Variants in MAP1B observed in about 807,000 individuals in gnomAD.
MAP1B encodes the protein microtubule-associated protein 1B.
A neutral mutation model predicts 176.1 loss-of-function variants in MAP1B; 12 were observed. That is an observed-to-expected ratio of 0.07 (90% CI 0.04 to 0.11). The LOEUF (loss-of-function observed/expected upper bound fraction) is 0.11. Ranked by LOEUF, MAP1B falls within the 10% of genes least tolerant of loss-of-function variation. MAP1B has a pLI of 1.00. For synonymous variants in MAP1B, 1,044 were observed against 1,135.0 expected (o/e 0.92, Z 1.61); for missense variants, 2,523 against 2,990.5 (o/e 0.84, Z 3.65).
At chr5:72,121,703 A>C (rs1745532968) in intron 2 of MAP1B, among the ~76,000 whole-genome samples, 1 of 152,258 alleles carries the variant, frequency 6.6e-6, no homozygotes, top group Non-Finnish European at 1.5e-5. Flanking sequence ...AAAAGGTCTA[A>C]GAATATTTTA....
chr5:72,170,251 G>A (rs142294091), intron 2 of MAP1B, among the ~76,000 whole-genome samples: 5 of 152,238 alleles, frequency 3.3e-5, no homozygotes, highest in South Asian at 2.1e-4. Flanking sequence ...CATCCTATCC[G>A]TCAAAGTATG....
intron 2 of MAP1B, among the ~76,000 whole-genome samples, chr5:72,180,553 G>A (rs917140804): frequency 6.6e-6 from 1 of 152,110 alleles, no homozygotes; most frequent in Non-Finnish European, 1.5e-5. Context: ...CCAAAAAGCC[G>A]AAAAGCAATG....
intron 2 of MAP1B, among the ~76,000 whole-genome samples, chr5:72,131,544 G>A (rs189941369): frequency 2.9e-3 from 447 of 152,252 alleles, no homozygotes; most frequent in Non-Finnish European, 4.8e-3. Context: ...TCTGCTCTGA[G>A]TTAAGAATAA....
chr5:72,130,054 T>C (rs1745701184), intron 2 of MAP1B, among the ~76,000 whole-genome samples: 1 of 152,196 alleles, frequency 6.6e-6, no homozygotes, highest in Admixed American at 6.5e-5. Context: ...AGCCAGCAAA[T>C]GGATTTTCTA....
At position 72,197,880 on chromosome 5, in the gene MAP1B, C is replaced by A; in HGVS notation, c.4525C>A (p.Gln1509Lys). 1 of 1,614,130 alleles carries A rather than the reference C, an allele frequency of 6.2e-7. No individual in the cohort carries two copies. The highest frequency in any genetic ancestry group is 1.1e-5 in the South Asian group (1 of 91,034). Residue 1509 changes from glutamine to lysine, a missense_variant, in exon 5 of 7, where the codon CAG becomes AAG. Coordinates refer to ENST00000296755, the MANE Select transcript of MAP1B (RefSeq NM_005909.5). Reference sequence around the variant, plus strand: ...TTCTCCCACACAAATAGATGTCAGTCAGTTTGGATCTTTTAAAGAAGACAC... The same window carrying A: ...TTCTCCCACACAAATAGATGTCAGTAAGTTTGGATCTTTTAAAGAAGACAC... ...DVSPTQIDVS[Q>K]FGSFKEDTKM...
chr5:72,197,967 G>T lies in MAP1B; in HGVS notation c.4612G>T (p.Val1538Leu). 6.2e-7 allele frequency: 1 copy of T among 1,614,210 alleles called. No homozygotes were observed. The highest frequency in any genetic ancestry group is 2.2e-5 in the East Asian group (1 of 44,886). The change falls in exon 5 of 7, where the codon GTA becomes TTA. Residue 1538 changes from valine to leucine, a missense_variant. Physicochemically the swap from Val to Leu is conservative, Grantham distance 32 (BLOSUM62 1). Transcript: ENST00000296755. ...DKSATPVDEG[V>L]AEDTYSHMEG... ...GTCAGCTACTCCTGTTGATGAGGGC[G>T]TAGCAGAAGACACGTACTCTCATAT...
chr5:72,185,976 C>T (rs1746888641), intron 3 of MAP1B, among the ~76,000 whole-genome samples: 1 of 152,186 alleles, frequency 6.6e-6, no homozygotes, highest in Non-Finnish European at 1.5e-5. Flanking sequence ...TTCCTTAGCG[C>T]AAACCATGTG....
intron 2 of MAP1B, among the ~76,000 whole-genome samples, chr5:72,122,410 T>C (rs1240873390): frequency 1.3e-5 from 2 of 152,206 alleles, no homozygotes; most frequent in Non-Finnish European, 2.9e-5. Flanking sequence ...TTTTATAGTG[T>C]ACGCAGCATA....
At chr5:72,110,894 T>G (rs1013581859) in intron 1 of MAP1B, among the ~76,000 whole-genome samples, 4 of 152,208 alleles carry the variant, frequency 2.6e-5, no homozygotes, top group African/African-American at 7.2e-5. Context: ...GGATGCTTCG[T>G]AAATGCCTCT....
intron 5 of MAP1B, 41 bp from the exon 6 acceptor site, chr5:72,203,522 C>T: frequency 8.3e-6 from 12 of 1,449,584 alleles, no homozygotes; most frequent in Non-Finnish European, 1.1e-5. Flanking sequence ...GGTCTCTTCA[C>T]CTTGCTATGA....
Position 72,194,767 on chromosome 5 carries a change from C to G in MAP1B, c.1412C>G (p.Ser471Cys). Residue 471 changes from serine to cysteine, a missense_variant, in exon 5 of 7, where the codon TCT (serine) becomes TGT (cysteine). By Grantham distance (112) the Ser-to-Cys change is moderately radical (BLOSUM62 -1). This residue lies in a region of MAP1B where 1,925 missense variants were observed against 2,126.0 expected (regional missense o/e 0.91). Transcript: ENST00000296755. The surrounding 1 kb of genome is among the most constrained non-coding windows in gnomAD (Gnocchi z 7.2). ...LPISYLTSVS[S>C]LIVWHPANPA... Reference sequence around the variant, plus strand: ...ATTTCCTACTTAACTTCAGTCTCATCTTTGATTGTGTGGCATCCAGCAAAC... The same window carrying G: ...ATTTCCTACTTAACTTCAGTCTCATGTTTGATTGTGTGGCATCCAGCAAAC... The G allele has an allele frequency of 4.3e-6, 7 of 1,614,178 alleles. No homozygotes were observed. The highest frequency in any genetic ancestry group is 5.9e-6 in the Non-Finnish European group (7 of 1,180,038).
intron 2 of MAP1B, among the ~76,000 whole-genome samples, chr5:72,176,036 A>G (rs1203262841): frequency 6.6e-6 from 1 of 152,272 alleles, no homozygotes; most frequent in African/African-American, 2.4e-5. Context: ...GAGATGAAAC[A>G]GATACATAAA....
At position 72,206,242 on chromosome 5, in the gene MAP1B, AG is replaced by A. The variant is rs1170643523; in HGVS notation, c.*1004del. On this transcript the variant is annotated 3_prime_UTR_variant, in exon 7 of 7. Coordinates refer to ENST00000296755, the MANE Select transcript of MAP1B (RefSeq NM_005909.5). ...ACTTATTTTTTAATGTGAGACAGCA[AG>A]TTTATAAAACATCCATATAGGATTA... is the stretch of plus-strand genomic sequence containing the variant. 2.0e-5 allele frequency: 3 copies of A among 152,702 alleles called. No homozygotes were observed. Among genetic ancestry groups the A allele is most frequent in the Non-Finnish European group, 4.4e-5 (3 of 68,046 alleles). 9.5% of individuals were successfully genotyped at this position (152,702 alleles called of 1,614,324 possible).
At chr5:72,115,844 C>T (rs2112120837) in intron 2 of MAP1B, 45 bp downstream of exon 2, 1 of 1,346,326 alleles carries the variant, frequency 7.4e-7, no homozygotes, top group East Asian at 2.3e-5. Flanking sequence ...TTCCAAAGGA[C>T]AAGGAGCAAG....
At chr5:72,189,794 T>C (rs539074101) in intron 4 of MAP1B, among the ~76,000 whole-genome samples, 13 of 152,094 alleles carry the variant, frequency 8.5e-5, no homozygotes, top group Non-Finnish European at 1.9e-4. Context: ...GTCCTGGTCA[T>C]GTTTTAGTGC....
At chr5:72,203,859 G>A in intron 6 of MAP1B, 58 bp downstream of exon 6, 1 of 1,527,574 alleles carries the variant, frequency 6.5e-7, no homozygotes, top group Non-Finnish European at 9.0e-7. Context: ...GAGGCAATGG[G>A]AAGGAACCAT....
intron 2 of MAP1B, among the ~76,000 whole-genome samples, chr5:72,149,521 C>G (rs978879708): frequency 1.3e-5 from 2 of 152,180 alleles, no homozygotes; most frequent in Non-Finnish European, 2.9e-5. Context: ...TTGAAAAGAT[C>G]ACTAGCTCAT....
rs985176104 is a variant in MAP1B, at chr5:72,208,208, G to A, written c.*2969G>A. 2.0e-5 allele frequency: 3 copies of A among 152,002 alleles called. No individual in the cohort carries two copies. The highest frequency in any genetic ancestry group is 4.4e-5 in the Non-Finnish European group (3 of 67,992). The allele number at this position is 152,002 out of a possible 1,614,324, so 9.4% of individuals were successfully genotyped here. On this transcript the variant is annotated 3_prime_UTR_variant, in exon 7 of 7. Transcript: ENST00000296755. Reference sequence around the variant, plus strand: ...AATTTTGCTAGTTCCATAAATACACGATTAGTTTAGTAACAGCCATCACAA... The same window carrying A: ...AATTTTGCTAGTTCCATAAATACACAATTAGTTTAGTAACAGCCATCACAA...
chr5:72,192,178 A>G (rs1747038431), intron 4 of MAP1B, among the ~76,000 whole-genome samples: 1 of 152,238 alleles, frequency 6.6e-6, no homozygotes, highest in African/African-American at 2.4e-5. Context: ...GAAAATTGGG[A>G]TCTAGAGACT....
Sources: allele counts gnomAD v4.1 joint callset (sites outside exome capture counted in the v4.1 genomes callset), GRCh38; gene constraint gnomAD v4.1.1; regional missense constraint gnomAD v4.1.1; non-coding constraint Gnocchi (gnomAD v3.1); transcripts MANE v1.5; gene names NCBI Gene and HGNC (gene_info 2026-07-23, HGNC 2026-07-21).